Variants in ARHGEF3 observed in about 807,000 individuals in gnomAD.
The protein encoded by ARHGEF3 is 59.8 kDA protein.
Under a neutral mutation model 63.2 loss-of-function variants are expected in ARHGEF3, and 28 were observed. That is an observed-to-expected ratio of 0.44 (90% CI 0.33 to 0.61). The LOEUF (loss-of-function observed/expected upper bound fraction) is 0.61, where lower values mean the gene tolerates loss of function less well. ARHGEF3 is among the 20% of genes least tolerant of loss of function. The pLI is 0.03. For missense variants in ARHGEF3, 533 were observed against 659.3 expected, an observed-to-expected ratio of 0.81 and a Z score of 2.10; for synonymous variants, 266 against 254.2, an observed-to-expected ratio of 1.05 and a Z score of -0.44.
At chr3:56,997,018 C>T (rs181673116) in intron 2 of ARHGEF3, among the ~76,000 whole-genome samples, 34 of 151,886 alleles carry the variant, frequency 2.2e-4, no homozygotes, top group African/African-American at 8.0e-4. Flanking sequence ...GATTGAACAC[C>T]CCTGCTCTAG....
At position 56,727,931 on chromosome 3, in the gene ARHGEF3, AAGAC is replaced by A. The variant is rs1218967974; in HGVS notation, c.*1335_*1338del. ...ACTGCTTTCTTTTCTGTAAACTTGA[AAGAC>A]AGATTAAAAAAAACTTTTTGGCAAT... On this transcript the variant is annotated 3_prime_UTR_variant, in exon 10 of 10. Transcript: ENST00000296315. The A allele has an allele frequency of 6.6e-6, 1 of 152,640 alleles. No individual in the cohort carries two copies. The highest frequency in any genetic ancestry group is 1.9e-4 in the East Asian group (1 of 5,206). The allele number at this position is 152,640 out of a possible 1,614,324, so 9.5% of individuals were successfully genotyped here. A position where few individuals can be genotyped will look rare whatever the true frequency, so the allele number is the denominator to read the frequency against.
At position 56,902,437 on chromosome 3, in the gene ARHGEF3, G is replaced by A. The variant is rs148434060; in HGVS notation, c.130-20083C>T. Among the ~76,000 whole-genome samples the A allele has an allele frequency of 1.5e-3, 230 of 152,310 alleles. 1 individual carries two copies. Among genetic ancestry groups the A allele is most frequent in the Non-Finnish European group, 2.6e-3 (180 of 68,020 alleles). On this transcript the variant is annotated intron_variant, in intron 3 of 12. Transcript: ENST00000338458. ...ATTCAAAAGAGCTTTGCAGCTCACAGTGGGAGGCAGGCCCTGCACAGAGCA... is the reference window on the plus strand; with the variant it reads ...ATTCAAAAGAGCTTTGCAGCTCACAATGGGAGGCAGGCCCTGCACAGAGCA...
intron 3 of ARHGEF3, among the ~76,000 whole-genome samples, chr3:56,953,321 T>C (rs1248101589): frequency 2.0e-5 from 3 of 152,252 alleles, no homozygotes; most frequent in African/African-American, 7.2e-5. Flanking sequence ...AATGAGGTTT[T>C]GGCAACTTCC....
At chr3:56,874,912 C>T (rs2040536978) in intron 4 of ARHGEF3, among the ~76,000 whole-genome samples, 1 of 152,158 alleles carries the variant, frequency 6.6e-6, no homozygotes, top group Non-Finnish European at 1.5e-5. Flanking sequence ...TCCATTGTCA[C>T]AGGACCGTAC....
At chr3:56,894,247 G>A (rs984451540) in intron 3 of ARHGEF3, among the ~76,000 whole-genome samples, 2 of 152,174 alleles carry the variant, frequency 1.3e-5, no homozygotes. Context: ...GCTCAACTGT[G>A]TTCTTTCTGA....
Position 57,007,475 on chromosome 3 carries a change from T to C in ARHGEF3, c.62+27613A>G, listed in dbSNP as rs1702512764. The C allele has an allele frequency of 3.6e-6, 3 of 840,060 alleles. 1 individual carries two copies. The highest frequency in any genetic ancestry group is 3.3e-5 in the Admixed American group (1 of 30,498). The allele number at this position is 840,060 out of a possible 1,614,324, so 52.0% of individuals were successfully genotyped here. A position where few individuals can be genotyped will look rare whatever the true frequency, so the allele number is the denominator to read the frequency against. ...TTCCAGGTGAAAACAGGCAGGCATC[T>C]TGGTTTTCTGCAGAACCTCCTATTT... On this transcript the variant is annotated intron_variant, in intron 2 of 12. Transcript: ENST00000338458.
In ARHGEF3 at chr3:56,940,289, T is replaced by C. The variant is rs576381682; in HGVS notation, c.129+18534A>G. 25 of 152,300 alleles carry C rather than the reference T, an allele frequency of 1.6e-4. No individual in the cohort carries two copies. In the South Asian group the frequency reaches 3.7e-3, roughly 23 times the overall value. 9.4% of individuals were successfully genotyped at this position (152,300 alleles called of 1,614,324 possible). A position where few individuals can be genotyped will look rare whatever the true frequency, so the allele number is the denominator to read the frequency against. ...ATTCCTGTCACTTGCAACTAGGATT[T>C]TGTAATTAACCCAGAAGGCCAAAGT... On this transcript the variant is annotated intron_variant, in intron 3 of 12. Coordinates refer to the ARHGEF3 transcript ENST00000338458.
chr3:57,009,062 T>A (rs1702579571), intron 2 of ARHGEF3, among the ~76,000 whole-genome samples: 1 of 152,112 alleles, frequency 6.6e-6, no homozygotes, highest in South Asian at 2.1e-4. Flanking sequence ...GGGCCATGAG[T>A]TCCTGGGAAA....
chr3:56,753,686 G>A (rs541922998), intron 3 of ARHGEF3, 120 bp from the exon 4 acceptor site: 22 of 839,910 alleles, frequency 2.6e-5, no homozygotes, highest in East Asian at 2.2e-4. Context: ...TTTAAGTTAC[G>A]TTAACCTGAA....
At chr3:56,809,745 T>C (rs79896851) in intron 4 of ARHGEF3, among the ~76,000 whole-genome samples, 1 of 149,620 alleles carries the variant, frequency 6.7e-6, no homozygotes, top group African/African-American at 2.5e-5. Context: ...TTTTTTTTTT[T>C]CCTTTGTGAC....
chr3:56,924,032 A>G (rs1322455027), intron 3 of ARHGEF3, among the ~76,000 whole-genome samples: 3 of 152,160 alleles, frequency 2.0e-5, no homozygotes, highest in Non-Finnish European at 4.4e-5. Context: ...CTTCCTGGAG[A>G]CCGTATAAGA....
At chr3:57,000,290 C>T (rs1560120342) in intron 2 of ARHGEF3, among the ~76,000 whole-genome samples, 1 of 123,652 alleles carries the variant, frequency 8.1e-6, no homozygotes, top group African/African-American at 2.9e-5. Flanking sequence ...TTGTAAAGTC[C>T]TTTTTTTAGA....
chr3:56,937,217 C>T (rs960124796), intron 3 of ARHGEF3, among the ~76,000 whole-genome samples: 2 of 152,086 alleles, frequency 1.3e-5, no homozygotes, highest in African/African-American at 4.8e-5. Context: ...TAAAAGACAA[C>T]TGAGAAAATA....
chr3:56,821,168 T>A (rs998743690), intron 4 of ARHGEF3, among the ~76,000 whole-genome samples: 16 of 150,788 alleles, frequency 1.1e-4, no homozygotes, highest in African/African-American at 2.9e-4. Context: ...CAAAAAAAAA[T>A]AAATAAATAA....
At chr3:57,074,913 C>T (rs192019728) in intron 1 of ARHGEF3, 8 of 167,368 alleles carry the variant, frequency 4.8e-5, no homozygotes, top group East Asian at 3.9e-4. Context: ...GAACACACAA[C>T]GCCAAGATCT....
chr3:56,738,056 T>C (rs2033750032), intron 7 of ARHGEF3, among the ~76,000 whole-genome samples: 2 of 151,954 alleles, frequency 1.3e-5, no homozygotes, highest in South Asian at 2.1e-4. Flanking sequence ...TTTTGTTTGT[T>C]TGTTTTGAGA....
At chr3:56,745,067 G>T in intron 7 of ARHGEF3, 138 bp downstream of exon 7, 1 of 1,096,824 alleles carries the variant, frequency 9.1e-7, no homozygotes, top group Non-Finnish European at 1.3e-6. Context: ...AAACATGGTT[G>T]ATGGCAGTGC....
intron 1 of ARHGEF3, among the ~76,000 whole-genome samples, chr3:57,066,040 C>CAA (rs59510971): frequency 7.1e-5 from 9 of 127,420 alleles, no homozygotes; most frequent in African/African-American, 1.7e-4. Context: ...GTCTCCAAAA[C>CAA]AAAAAAAAAA....
intron 2 of ARHGEF3, among the ~76,000 whole-genome samples, chr3:56,996,427 C>T (rs1273815941): frequency 6.6e-6 from 1 of 152,172 alleles, no homozygotes. Context: ...CCTAATCCCC[C>T]ATGTGATGGT....
Sources: allele counts gnomAD v4.1 joint callset (sites outside exome capture counted in the v4.1 genomes callset), GRCh38; gene constraint gnomAD v4.1.1; transcripts MANE v1.5; gene names NCBI Gene and HGNC (gene_info 2026-07-23, HGNC 2026-07-21).